The following PLCH1 variants were observed in gnomAD, a reference collection of about 807,000 sequenced individuals.
The protein encoded by PLCH1 is phospholipase C eta 1.
PLCH1 carries 60 observed loss-of-function variants against 126.7 expected under a neutral mutation model. The ratio of observed to expected loss-of-function variants is 0.47; its 90% CI spans 0.38 to 0.59. PLCH1 has a LOEUF of 0.59. Among genes scored for constraint, PLCH1 ranks in the 20% least tolerant of loss-of-function variants. PLCH1 has a pLI of 0.00. For missense variants in PLCH1, 1,723 were observed against 2,040.0 expected (o/e 0.84, Z 2.99); for synonymous variants, 719 against 734.9 (o/e 0.98, Z 0.35).
At chr3:155,734,121 T>A (rs191800926) in intron 1 of PLCH1, among the ~76,000 whole-genome samples, 37 of 152,036 alleles carry the variant, frequency 2.4e-4, no homozygotes, top group African/African-American at 8.7e-4. Flanking sequence ...CCTTGTGCAC[T>A]GCTGGTGAGA....
At chr3:155,556,976 T>A (rs1298800652) in intron 8 of PLCH1, among the ~76,000 whole-genome samples, 1 of 151,954 alleles carries the variant, frequency 6.6e-6, no homozygotes, top group African/African-American at 2.4e-5. Context: ...AATATCCCTA[T>A]GGGAAAAAAA....
chr3:155,632,971 C>A (rs1352329287), intron 2 of PLCH1, among the ~76,000 whole-genome samples: 1 of 152,072 alleles, frequency 6.6e-6, no homozygotes, highest in Non-Finnish European at 1.5e-5. Flanking sequence ...CCTCCTACTA[C>A]TAACATTGCC....
intron 6 of PLCH1, among the ~76,000 whole-genome samples, chr3:155,579,060 T>A (rs1298384004): frequency 1.3e-5 from 2 of 152,230 alleles, no homozygotes; most frequent in Non-Finnish European, 2.9e-5. Context: ...GACTGTCCAC[T>A]CTTCATCAAA....
chr3:155,681,198 T>G (rs1423675835), intron 2 of PLCH1, among the ~76,000 whole-genome samples: 2 of 152,164 alleles, frequency 1.3e-5, no homozygotes, highest in Admixed American at 6.5e-5. Flanking sequence ...ACATTATTTT[T>G]TAAAAGTGTA....
At chr3:155,486,426 T>G (rs1715108498) in intron 21 of PLCH1, among the ~76,000 whole-genome samples, 1 of 151,994 alleles carries the variant, frequency 6.6e-6, no homozygotes, top group African/African-American at 2.4e-5. Flanking sequence ...ATAAAGAGTA[T>G]GACTCATAAA....
intron 10 of PLCH1, among the ~76,000 whole-genome samples, chr3:155,528,107 C>T (rs545987592): frequency 4.0e-5 from 6 of 151,702 alleles, no homozygotes; most frequent in African/African-American, 1.5e-4. Flanking sequence ...ACCTGTAATC[C>T]CAGCTATTCA....
At chr3:155,586,745 G>A (rs1035563585) in intron 4 of PLCH1, among the ~76,000 whole-genome samples, 1 of 152,122 alleles carries the variant, frequency 6.6e-6, no homozygotes, top group South Asian at 2.1e-4. Context: ...ATTGCGAAAT[G>A]AGAGTTAAAC....
intron 18 of PLCH1, among the ~76,000 whole-genome samples, 157 bp downstream of exon 18, chr3:155,492,572 G>A (rs192864115): frequency 3.4e-4 from 52 of 152,306 alleles, no homozygotes; most frequent in Admixed American, 5.2e-4. Context: ...AGCAAGAACT[G>A]TGTGACTTAC....
At chr3:155,681,419 C>A (rs1054927121) in intron 2 of PLCH1, among the ~76,000 whole-genome samples, 21 of 152,098 alleles carry the variant, frequency 1.4e-4, no homozygotes, top group African/African-American at 5.1e-4. Flanking sequence ...AAATGTGGAA[C>A]CTGAGGCAAA....
chr3:155,510,920 A>T (rs899664508), intron 12 of PLCH1, among the ~76,000 whole-genome samples: 4 of 106,942 alleles, frequency 3.7e-5, no homozygotes, highest in Non-Finnish European at 7.1e-5. Context: ...TAGATTGGGG[A>T]AGTTCTCCTG....
At chr3:155,600,726 G>C (rs1219465322) in intron 2 of PLCH1, among the ~76,000 whole-genome samples, 1 of 151,942 alleles carries the variant, frequency 6.6e-6, no homozygotes, top group African/African-American at 2.4e-5. Context: ...AAAATGTGTT[G>C]CACTGGTTGA....
chr3:155,584,719 G>A (rs1316030963), intron 5 of PLCH1, among the ~76,000 whole-genome samples: 2 of 152,224 alleles, frequency 1.3e-5, no homozygotes, highest in African/African-American at 4.8e-5. Flanking sequence ...AGCTTTGAAA[G>A]TCAAAGTGGT....
intron 4 of PLCH1, among the ~76,000 whole-genome samples, chr3:155,588,911 A>G (rs1363699533): frequency 1.3e-5 from 2 of 152,200 alleles, no homozygotes; most frequent in Admixed American, 1.3e-4. Flanking sequence ...CCATAAATGA[A>G]AAAACCATTC....
intron 2 of PLCH1, 132 bp downstream of exon 2, chr3:155,704,014 C>T (rs1388665093): frequency 2.4e-6 from 1 of 409,874 alleles, no homozygotes; most frequent in Non-Finnish European, 4.2e-6. Context: ...GGTAATTATT[C>T]ATAAACAAGT....
intron 1 of PLCH1, among the ~76,000 whole-genome samples, chr3:155,721,324 A>T (rs1466119941): frequency 1.3e-5 from 2 of 152,166 alleles, no homozygotes; most frequent in African/African-American, 2.4e-5. Context: ...TTTTCACAGT[A>T]TTGATTCTAC....
At chr3:155,676,836 T>C (rs1164050351) in intron 2 of PLCH1, among the ~76,000 whole-genome samples, 3 of 150,786 alleles carry the variant, frequency 2.0e-5, no homozygotes, top group Non-Finnish European at 2.9e-5. Flanking sequence ...CTATTTCTCA[T>C]GTTTAAAAAA....
At chr3:155,659,281 G>A (rs900982767) in intron 2 of PLCH1, among the ~76,000 whole-genome samples, 2 of 138,912 alleles carry the variant, frequency 1.4e-5, no homozygotes, top group Non-Finnish European at 3.0e-5. Context: ...CACAGGCCAG[G>A]CGTGAGATGT....
intron 17 of PLCH1, 116 bp from the exon 18 acceptor site, chr3:155,492,969 C>T: frequency 1.1e-6 from 1 of 892,902 alleles, no homozygotes. Flanking sequence ...TACATGATCA[C>T]ATAACTATCA....
At chr3:155,529,288 G>T (rs966506493) in intron 10 of PLCH1, among the ~76,000 whole-genome samples, 2 of 152,140 alleles carry the variant, frequency 1.3e-5, no homozygotes, top group African/African-American at 4.8e-5. Flanking sequence ...AGCCCCAGGA[G>T]AATGCAAACA....
Sources: allele counts gnomAD v4.1 joint callset (sites outside exome capture counted in the v4.1 genomes callset), GRCh38; gene constraint gnomAD v4.1.1; transcripts MANE v1.5; gene names NCBI Gene and HGNC (gene_info 2026-07-23, HGNC 2026-07-21).